EPB41L4A: variants seen among roughly 807,000 people sequenced by gnomAD.
EPB41L4A encodes erythrocyte membrane protein band 4.1 like 4A.
In EPB41L4A, 100 loss-of-function variants were observed where a neutral mutation model predicts 108.6. The observed-to-expected ratio is 0.92, with a 90% CI of 0.78 to 1.09. The LOEUF is 1.09. Among genes scored for constraint, EPB41L4A ranks in the 50% least tolerant of loss-of-function variants. EPB41L4A has a pLI of 0.00. For synonymous variants in EPB41L4A, 319 were observed against 289.0 expected (o/e 1.10, Z -1.05); for missense variants, 1,030 against 842.7 (o/e 1.22, Z -2.75).
intron 2 of EPB41L4A, among the ~76,000 whole-genome samples, chr5:112,297,647 C>T (rs796866580): frequency 6.6e-6 from 1 of 152,146 alleles, no homozygotes; most frequent in African/African-American, 2.4e-5. Flanking sequence ...TTAAGTCTCA[C>T]CTATTTATCT....
intron 13 of EPB41L4A, among the ~76,000 whole-genome samples, chr5:112,144,520 G>T (rs1759177986): frequency 1.3e-5 from 2 of 152,142 alleles, no homozygotes; most frequent in African/African-American, 4.8e-5. Context: ...CAAGCAATCT[G>T]CCAGCCTCAA....
chr5:112,194,254 G>A (rs999759503), intron 17 of EPB41L4A, among the ~76,000 whole-genome samples: 3 of 152,166 alleles, frequency 2.0e-5, no homozygotes, highest in African/African-American at 4.8e-5. Context: ...ATCTATCTAC[G>A]AATGGTAAAC....
intron 15 of EPB41L4A, among the ~76,000 whole-genome samples, chr5:112,200,729 T>C (rs1338804345): frequency 6.6e-6 from 1 of 152,192 alleles, no homozygotes; most frequent in Non-Finnish European, 1.5e-5. Flanking sequence ...TCCATAAATT[T>C]TGAAAATTAT....
chr5:112,397,874 T>A (rs1187240514), intron 1 of EPB41L4A, among the ~76,000 whole-genome samples: 1 of 152,192 alleles, frequency 6.6e-6, no homozygotes, highest in Non-Finnish European at 1.5e-5. Flanking sequence ...TTGACCGCAG[T>A]TTTCCTAGCT....
intron 12 of EPB41L4A, among the ~76,000 whole-genome samples, chr5:112,225,773 G>C (rs1748405878): frequency 6.6e-6 from 1 of 152,070 alleles, no homozygotes; most frequent in African/African-American, 2.4e-5. Flanking sequence ...CCATATCCTG[G>C]AGATCATTTC....
In EPB41L4A at chr5:112,419,112, G is replaced by T; in HGVS notation, c.-73C>A. On this transcript the variant is annotated 5_prime_UTR_variant, in exon 1 of 23. Coordinates refer to ENST00000261486, the MANE Select transcript of EPB41L4A (RefSeq NM_022140.5). Reference sequence around the variant, plus strand: ...GCCCAGCCGCCCCCTCCACTCAAGCGCGATGCATTAATTTATTGTCCGCGC... The same window carrying T: ...GCCCAGCCGCCCCCTCCACTCAAGCTCGATGCATTAATTTATTGTCCGCGC... 1.8e-6 allele frequency: 2 copies of T among 1,133,744 alleles called. No homozygotes were observed. The highest frequency in any genetic ancestry group is 2.7e-6 in the Non-Finnish European group (2 of 749,516). The allele number at this position is 1,133,744 out of a possible 1,614,324, so 70.2% of individuals were successfully genotyped here. A position where few individuals can be genotyped will look rare whatever the true frequency, so the allele number is the denominator to read the frequency against.
intron 6 of EPB41L4A, 58 bp from the exon 7 acceptor site, chr5:112,262,639 G>A: frequency 7.6e-7 from 1 of 1,313,240 alleles, no homozygotes; most frequent in Non-Finnish European, 1.1e-6. Context: ...CACTTACAGG[G>A]ATGCAAACTA....
rs141484606 is a variant in EPB41L4A at position 112,169,684 on chromosome 5, C to G, written c.1740-579G>C. 3.0e-3 allele frequency among the ~76,000 whole-genome samples: 455 copies of G among 152,206 alleles called. 2 individuals are homozygous for G. The highest frequency in any genetic ancestry group is 0.01 in the African/African-American group (427 of 41,522). On this transcript the variant is annotated intron_variant, in intron 20 of 22. Coordinates refer to ENST00000261486, the MANE Select transcript of EPB41L4A (RefSeq NM_022140.5). ...TCAATTATACCTTAATAATTAAAAA[C>G]AAATAAATAATTCAAATCTTTGACC...
chr5:112,263,066 T>C lies in EPB41L4A; in HGVS notation c.555-485A>G, dbSNP rs533820749. ...ACCACATGTGTAGTTTGAAAATACA[T>C]TGATTAACGTACAGAGATTGTAAAA... is the stretch of plus-strand genomic sequence containing the variant. On this transcript the variant is annotated intron_variant, in intron 6 of 22. Coordinates refer to ENST00000261486, the MANE Select transcript of EPB41L4A (RefSeq NM_022140.5). 5.4e-4 allele frequency among the ~76,000 whole-genome samples: 82 copies of C among 152,318 alleles called. 1 individual carries two copies. Among genetic ancestry groups the C allele is most frequent in the African/African-American group, 1.8e-3 (76 of 41,576 alleles).
rs200807148 is a variant in EPB41L4A, at chr5:112,165,118, T to C, written c.1933A>G (p.Arg645Gly). The change falls in exon 23 of 23, where the codon AGA (arginine) becomes GGA (glycine). Residue 645 changes from arginine (R) to glycine (G), a missense_variant and splice_region_variant. Coordinates refer to ENST00000261486, the MANE Select transcript of EPB41L4A (RefSeq NM_022140.5). ...AGGCTATCTTTAGACCCATTTCTTC[T>C]CTAAAATATATTTGAAAAATGTAGA... ...QGSGDATVHQ[R>G]RNGSKDSLME... is the part of the protein sequence containing the mutation. 4 of 840,468 alleles carry C rather than the reference T, an allele frequency of 4.8e-6. No individual in the cohort carries two copies. Among genetic ancestry groups the C allele is most frequent in the Non-Finnish European group, 5.0e-6 (3 of 598,378 alleles). 52.1% of individuals were successfully genotyped at this position (840,468 alleles called of 1,614,324 possible).
chr5:112,408,830 T>C (rs1443130337), intron 1 of EPB41L4A, among the ~76,000 whole-genome samples: 1 of 150,916 alleles, frequency 6.6e-6, no homozygotes, highest in Non-Finnish European at 1.5e-5. Flanking sequence ...TAAAAAAAGA[T>C]TTATAACAAG....
intron 18 of EPB41L4A, among the ~76,000 whole-genome samples, chr5:112,180,848 A>G (rs903797351): frequency 6.6e-6 from 1 of 152,202 alleles, no homozygotes; most frequent in Non-Finnish European, 1.5e-5. Context: ...TAAATAACCT[A>G]CAAATGAATA....
chr5:112,174,354 A>G (rs1007028966), intron 18 of EPB41L4A, among the ~76,000 whole-genome samples: 7 of 152,258 alleles, frequency 4.6e-5, no homozygotes, highest in Non-Finnish European at 1.0e-4. Flanking sequence ...TGAGGCACTT[A>G]ATTATGCAGA....
intron 12 of EPB41L4A, among the ~76,000 whole-genome samples, chr5:112,222,475 T>C (rs576938446): frequency 6.6e-6 from 1 of 152,294 alleles, no homozygotes; most frequent in South Asian, 2.1e-4. Context: ...TACCCAGTAA[T>C]GTTATCCACT....
In EPB41L4A at chr5:112,176,890, G is replaced by T. The variant is rs553600386; in HGVS notation, c.1623-5898C>A. Among the ~76,000 whole-genome samples, 5 of 151,298 alleles carry T rather than the reference G, an allele frequency of 3.3e-5. No homozygotes were observed. The South Asian group carries it at 1.0e-3, about 32-fold the overall frequency. ...CTGACCCAGCCTCCCAAGTAGCTGG[G>T]ATTACAGGCACCCACCACCACACCC... On this transcript the variant is annotated intron_variant, in intron 18 of 22. Transcript: ENST00000261486.
chr5:112,287,707 T>G (rs932415987), intron 2 of EPB41L4A, among the ~76,000 whole-genome samples: 2 of 152,176 alleles, frequency 1.3e-5, no homozygotes, highest in African/African-American at 4.8e-5. Flanking sequence ...AAGAAGGACC[T>G]TAAGGAGAGT....
rs537742286 is a variant in EPB41L4A, at chr5:112,217,016, C to T, written c.1088-7034G>A. ...AGACAGAGTCTCGCTCAGCCACCCA[C>T]TCACTGCAACCACAGTCTCCCAGGT... On this transcript the variant is annotated intron_variant, in intron 12 of 22. Transcript: ENST00000261486. 3.3e-5 allele frequency among the ~76,000 whole-genome samples: 5 copies of T among 152,020 alleles called. No individual in the cohort carries two copies. In the South Asian group the frequency reaches 1.0e-3, roughly 32 times the overall value.
At chr5:112,322,822 C>A (rs935946718) in intron 1 of EPB41L4A, among the ~76,000 whole-genome samples, 2 of 151,884 alleles carry the variant, frequency 1.3e-5, no homozygotes, top group South Asian at 2.1e-4. Context: ...TAAATAGGAA[C>A]CCATCAAAGA....
intron 5 of EPB41L4A, among the ~76,000 whole-genome samples, chr5:112,265,677 C>G (rs768878824): frequency 1.3e-5 from 2 of 152,252 alleles, no homozygotes; most frequent in Non-Finnish European, 2.9e-5. Flanking sequence ...CTCCCCACAT[C>G]TAGCTTGATT....
Sources: allele counts gnomAD v4.1 joint callset (sites outside exome capture counted in the v4.1 genomes callset), GRCh38; gene constraint gnomAD v4.1.1; transcripts MANE v1.5; gene names NCBI Gene and HGNC (gene_info 2026-07-23, HGNC 2026-07-21).